Variants in LAMA2 observed in about 807,000 individuals in gnomAD.
LAMA2 encodes the protein laminin subunit alpha-2.
LAMA2 carries 269 observed loss-of-function variants against 364.8 expected under a neutral mutation model. The observed-to-expected ratio is 0.74, with a 90% CI of 0.67 to 0.82. The LOEUF is 0.82. Among genes scored for constraint, LAMA2 ranks in the 40% least tolerant of loss-of-function variants. The probability of loss-of-function intolerance (pLI) is 0.00; values close to 1 mark genes in which losing one functional copy is unlikely to be tolerated. For missense variants in LAMA2, 3,807 were observed against 3,873.2 expected (o/e 0.98, Z 0.45); for synonymous variants, 1,379 against 1,370.6 (o/e 1.01, Z -0.14).
At chr6:129,261,133 TC>T (rs1055165888) in intron 15 of LAMA2, among the ~76,000 whole-genome samples, 1 of 152,078 alleles carries the variant, frequency 6.6e-6, no homozygotes, top group African/African-American at 2.4e-5. Context: ...CAAAATATTT[TC>T]TCTTCATTTT....
At chr6:128,900,162 A>G (rs1296200181) in intron 1 of LAMA2, among the ~76,000 whole-genome samples, 1 of 152,168 alleles carries the variant, frequency 6.6e-6, no homozygotes, top group Non-Finnish European at 1.5e-5. Context: ...CAGCCAGCAA[A>G]ATGGTGAAAT....
Position 129,315,811 on chromosome 6 carries a change from G to C in LAMA2, c.3785G>C (p.Arg1262Pro), listed in dbSNP as rs148597169. ...AAGTATGCAATCTATTTCGAGGCTC[G>C]GGAAGAAACAGGTTTCTCTACATAT... ...KLKYAIYFEA[R>P]EETGFSTYNP... The change falls in exon 26 of 65, where the codon CGG (arginine) becomes CCG (proline). Residue 1262 changes from arginine (R) to proline (P), a missense_variant. Arg to Pro is a moderately radical substitution (Grantham distance 103). Around this residue, in one of 3 missense-constraint regions of LAMA2, gnomAD observed 3,333 missense variants for 3,345.7 expected, o/e 1.00. Transcript: ENST00000421865. 1 of 1,613,910 alleles carries C rather than the reference G, an allele frequency of 6.2e-7. No individual in the cohort carries two copies. Among genetic ancestry groups the C allele is most frequent in the Non-Finnish European group, 8.5e-7 (1 of 1,180,014 alleles).
Position 129,267,207 on chromosome 6 carries a change from T to TG in LAMA2, c.2312dup (p.Glu772ArgfsTer6). On this transcript the variant is annotated frameshift_variant, in exon 16 of 65. Coordinates refer to ENST00000421865, the MANE Select transcript of LAMA2 (RefSeq NM_000426.4). LOFTEE classifies it high-confidence loss of function. ...ATGCGGAGTCCTGTGATGACGTCAC[T>TG]GGAGAATGCCTGGTAAGTGCTCTCT... 1 of 1,604,072 alleles carries TG rather than the reference T, an allele frequency of 6.2e-7. No individual in the cohort carries two copies. The highest frequency in any genetic ancestry group is 8.5e-7 in the Non-Finnish European group (1 of 1,170,994).
chr6:129,099,005 C>T, intron 4 of LAMA2, among the ~76,000 whole-genome samples: 1 of 151,936 alleles, frequency 6.6e-6, no homozygotes, highest in East Asian at 1.9e-4. Flanking sequence ...TCTCCAGTGT[C>T]TGTCATCCTG....
intron 1 of LAMA2, chr6:128,929,268 T>C: frequency 7.3e-7 from 1 of 1,373,062 alleles, no homozygotes; most frequent in South Asian, 1.2e-5. Context: ...ATGGCTAAGT[T>C]CCCGTCATTG....
At chr6:129,286,385 T>C (rs916141421) in intron 18 of LAMA2, among the ~76,000 whole-genome samples, 2 of 150,866 alleles carry the variant, frequency 1.3e-5, no homozygotes, top group Non-Finnish European at 2.9e-5. Flanking sequence ...GAGCAGAATA[T>C]AAATAGGCGC....
At chr6:129,055,269 G>T (rs906340000) in intron 2 of LAMA2, among the ~76,000 whole-genome samples, 1 of 151,222 alleles carries the variant, frequency 6.6e-6, no homozygotes, top group Non-Finnish European at 1.5e-5. Flanking sequence ...TTGGCTCACT[G>T]CAACCTTCGC....
rs977540447 is a variant in LAMA2, at chr6:129,460,322, C to A, written c.6990C>A (p.Val2330=). ...EKEGDCKGCT[V]SPQVEDSEGT... Reference sequence around the variant, plus strand: ...AAGGTGACTGCAAAGGATGCACTGTCAGGTTAGTTGAGATGAGAACTCTCC... The same window carrying A: ...AAGGTGACTGCAAAGGATGCACTGTAAGGTTAGTTGAGATGAGAACTCTCC... The change falls in exon 49 of 65, where the codon GTC becomes GTA. Residue 2330 remains valine (V), a splice_region_variant and synonymous_variant. Coordinates refer to ENST00000421865, the MANE Select transcript of LAMA2 (RefSeq NM_000426.4). 6.2e-7 allele frequency: 1 copy of A among 1,611,830 alleles called. No homozygotes were observed. The highest frequency in any genetic ancestry group is 1.1e-5 in the South Asian group (1 of 91,034).
chr6:128,932,284 A>T (rs1030592829), intron 1 of LAMA2, among the ~76,000 whole-genome samples: 9 of 152,146 alleles, frequency 5.9e-5, no homozygotes, highest in Non-Finnish European at 1.3e-4. Context: ...CTTCAGTAGG[A>T]GTGACTGGGC....
At chr6:129,277,428 A>G (rs1788404798) in intron 17 of LAMA2, among the ~76,000 whole-genome samples, 1 of 152,224 alleles carries the variant, frequency 6.6e-6, no homozygotes, top group African/African-American at 2.4e-5. Context: ...AATTACAGCA[A>G]TAAGAGAGTG....
intron 9 of LAMA2, among the ~76,000 whole-genome samples, chr6:129,167,738 C>T (rs1187972147): frequency 6.6e-6 from 1 of 152,186 alleles, no homozygotes; most frequent in South Asian, 2.1e-4. Flanking sequence ...AATGGCCACA[C>T]TGACTTCCAC....
chr6:129,500,667 A>G (rs1044779859), intron 58 of LAMA2, among the ~76,000 whole-genome samples: 3 of 152,140 alleles, frequency 2.0e-5, no homozygotes, highest in Admixed American at 2.0e-4. Context: ...GTCCATCTAG[A>G]AAATCTCATA....
chr6:129,266,641 G>T (rs561605827), intron 15 of LAMA2, among the ~76,000 whole-genome samples: 4 of 152,074 alleles, frequency 2.6e-5, no homozygotes, highest in African/African-American at 4.8e-5. Flanking sequence ...AAATGATGAC[G>T]TTAAGGGCAA....
At chr6:129,048,604 TTC>T (rs59707849) in intron 1 of LAMA2, among the ~76,000 whole-genome samples, 5,846 of 133,094 alleles carry the variant, frequency 0.044, 530 homozygotes, top group African/African-American at 0.16. Flanking sequence ...CTTCCTTCCT[TTC>T]TCTCTCTCTC....
At chr6:129,025,569 C>T (rs927029283) in intron 1 of LAMA2, among the ~76,000 whole-genome samples, 1 of 151,784 alleles carries the variant, frequency 6.6e-6, no homozygotes. Flanking sequence ...TAGAAAGGTC[C>T]GTGGAGAAAA....
chr6:129,030,172 T>G (rs2114731744), intron 1 of LAMA2, among the ~76,000 whole-genome samples: 1 of 152,252 alleles, frequency 6.6e-6, no homozygotes, highest in Admixed American at 6.5e-5. Flanking sequence ...CCAGTCTCAC[T>G]TTGAGTATCT....
At chr6:129,283,508 G>A (rs749194951) in intron 18 of LAMA2, among the ~76,000 whole-genome samples, 3 of 151,648 alleles carry the variant, frequency 2.0e-5, no homozygotes, top group African/African-American at 7.3e-5. Flanking sequence ...AGCCCTCCCC[G>A]CTCCCCAGCT....
rs76655468 is a variant in LAMA2, at chr6:129,464,799, G to A, written c.7156-346G>A. On this transcript the variant is annotated intron_variant, in intron 50 of 64. Transcript: ENST00000421865. Reference sequence around the variant, plus strand: ...ACCTGAGTTGAAAAGGTGATTATAAGTATTCTTTGGCCTCATTTTTTTCTG... The same window carrying A: ...ACCTGAGTTGAAAAGGTGATTATAAATATTCTTTGGCCTCATTTTTTTCTG... 8.1e-3 allele frequency among the ~76,000 whole-genome samples: 1,232 copies of A among 151,980 alleles called. 11 individuals carry two copies. Among genetic ancestry groups the A allele is most frequent in the African/African-American group, 0.028 (1,172 of 41,506 alleles).
intron 62 of LAMA2, among the ~76,000 whole-genome samples, chr6:129,509,206 T>C (rs1786361988): frequency 6.6e-6 from 1 of 151,034 alleles, no homozygotes; most frequent in African/African-American, 2.4e-5. Flanking sequence ...GATTATTAGA[T>C]TTTTTTCCTA....
Sources: allele counts gnomAD v4.1 joint callset (sites outside exome capture counted in the v4.1 genomes callset), GRCh38; gene constraint gnomAD v4.1.1; regional missense constraint gnomAD v4.1.1; transcripts MANE v1.5; gene names NCBI Gene and HGNC (gene_info 2026-07-23, HGNC 2026-07-21).